SOAT2: variants seen among roughly 807,000 people sequenced by gnomAD.
SOAT2 encodes the protein sterol O-acyltransferase 2.
A neutral mutation model predicts 76.0 loss-of-function variants in SOAT2; 87 were observed. The ratio of observed to expected loss-of-function variants is 1.14; its 90% CI spans 0.96 to 1.37. The LOEUF (loss-of-function observed/expected upper bound fraction) is 1.37, where lower values mean the gene tolerates loss of function less well. Ranked by LOEUF, SOAT2 falls within the 40% of genes most tolerant of loss-of-function variation. The probability of loss-of-function intolerance (pLI) is 0.00; values close to 1 mark genes in which losing one functional copy is unlikely to be tolerated. For synonymous variants in SOAT2, 285 were observed against 275.4 expected, an observed-to-expected ratio of 1.03 and a Z score of -0.34; for missense variants, 686 against 682.1, an observed-to-expected ratio of 1.01 and a Z score of -0.06.
At chr12:53,115,125 G>A (rs1283890564) in intron 5 of SOAT2, among the ~76,000 whole-genome samples, 1 of 152,218 alleles carries the variant, frequency 6.6e-6, no homozygotes, top group Non-Finnish European at 1.5e-5. Context: ...CCTAACATGT[G>A]TTGTATATAG....
intron 10 of SOAT2, among the ~76,000 whole-genome samples, 163 bp from the exon 11 acceptor site, chr12:53,120,618 CAAAAA>C (rs35658019): frequency 2.3e-5 from 2 of 86,790 alleles, no homozygotes; most frequent in Non-Finnish European, 2.4e-5. Context: ...CAGCCTGTCT[CAAAAA>C]AAAAAAAAAA....
Position 53,120,887 on chromosome 12 carries a change from G to A in SOAT2, c.1137+4G>A. The A allele has an allele frequency of 6.2e-7, 1 of 1,612,688 alleles. No homozygotes were observed. Among genetic ancestry groups the A allele is most frequent in the Non-Finnish European group, 8.5e-7 (1 of 1,178,696 alleles). On this transcript the variant is annotated splice_donor_region_variant and intron_variant, in intron 11 of 14. Transcript: ENST00000301466. ...TGGAGACAGGATGTTCTACCGGGTG[G>A]GGCCTGGACCTAGGCCAGTTGGAAG...
In SOAT2 at chr12:53,104,195, C is replaced by G. The variant is rs370902854; in HGVS notation, c.127C>G (p.Arg43Gly). The part of the protein sequence containing the change: ...HRAPDLVQWT[R>G]HMEAVKAQLL... The stretch of plus-strand genomic sequence containing the variant: ...AGCCCCGGACTTGGTACAATGGACC[C>G]GACACATGGAGGTGAGGGATGTCAG... The change falls in exon 2 of 15, where the codon CGA (arginine) becomes GGA (glycine). Residue 43 changes from arginine to glycine, a missense_variant. By Grantham distance (125) the Arg-to-Gly change is moderately radical. Coordinates refer to ENST00000301466, the MANE Select transcript of SOAT2 (RefSeq NM_003578.4). 1.2e-6 allele frequency: 2 copies of G among 1,612,942 alleles called. No homozygotes were observed. Among genetic ancestry groups the G allele is most frequent in the Non-Finnish European group, 1.7e-6 (2 of 1,179,340 alleles).
chr12:53,109,542 C>T (rs1937983203), intron 5 of SOAT2, among the ~76,000 whole-genome samples: 1 of 152,080 alleles, frequency 6.6e-6, no homozygotes, highest in African/African-American at 2.4e-5. Context: ...AGTACAGTGG[C>T]ATGATCTCGG....
intron 5 of SOAT2, among the ~76,000 whole-genome samples, chr12:53,113,991 G>A (rs1481014220): frequency 1.3e-5 from 2 of 151,988 alleles, no homozygotes; most frequent in African/African-American, 4.8e-5. Flanking sequence ...GTTTAATCAT[G>A]CTTTGAGGTT....
At chr12:53,113,517 T>C (rs1015428631) in intron 5 of SOAT2, among the ~76,000 whole-genome samples, 23 of 152,158 alleles carry the variant, frequency 1.5e-4, no homozygotes, top group Non-Finnish European at 3.1e-4. Context: ...CATCCCGGTC[T>C]CTCCTGGCTG....
In SOAT2 at chr12:53,123,763, G is replaced by C. The variant is rs377423236; in HGVS notation, c.1408G>C (p.Gly470Arg). 1.2e-6 allele frequency: 2 copies of C among 1,614,136 alleles called. No individual in the cohort carries two copies. The highest frequency in any genetic ancestry group is 4.5e-5 in the East Asian group (2 of 44,878). The change falls in exon 14 of 15, where the codon GGC becomes CGC. Residue 470 changes from glycine (G) to arginine (R), a missense_variant. By Grantham distance (125) the Gly-to-Arg change is moderately radical. Transcript: ENST00000301466. ...CTTCATGATGCATGACCAGCGCACCGGCCCGGCATGGAACGTGCTGATGTG... is the reference window on the plus strand; with the variant it reads ...CTTCATGATGCATGACCAGCGCACCCGCCCGGCATGGAACGTGCTGATGTG... ...LNFMMHDQRT[G>R]PAWNVLMWTM...
intron 2 of SOAT2, 109 bp downstream of exon 2, chr12:53,104,315 A>C: frequency 1.3e-6 from 1 of 780,836 alleles, no homozygotes; most frequent in Admixed American, 2.4e-5. Flanking sequence ...TTTTTGAAAC[A>C]AAGTCTCGCT....
chr12:53,121,418 C>T lies in SOAT2; in HGVS notation c.1236+17C>T, dbSNP rs754927287. ...GGGCTGCGGGTATGGGCCCTGCAGA[C>T]CCCTTCAGCTCTCACAGTTAATAGG... On this transcript the variant is annotated intron_variant, in intron 12 of 14. Transcript: ENST00000301466. 1.9e-6 allele frequency: 3 copies of T among 1,594,124 alleles called. No homozygotes were observed. Among genetic ancestry groups the T allele is most frequent in the East Asian group, 2.2e-5 (1 of 44,812 alleles).
chr12:53,121,351 G>A lies in SOAT2; in HGVS notation c.1186G>A (p.Val396Met), dbSNP rs754535786. The A allele has an allele frequency of 8.1e-6, 13 of 1,614,058 alleles. No homozygotes were observed. The highest frequency in any genetic ancestry group is 2.2e-5 in the South Asian group (2 of 91,092). Residue 396 changes from valine (V) to methionine (M), a missense_variant, in exon 12 of 15, where the codon GTG (valine) becomes ATG (methionine). Val to Met is a conservative substitution (Grantham distance 21). Transcript: ENST00000301466. Reference protein sequence around the residue: ...SFSNYYRTWNVVVHDWLYSYV... With the variant: ...SFSNYYRTWNMVVHDWLYSYV... Reference sequence around the variant, plus strand: ...CTCCAACTACTACCGCACTTGGAACGTGGTGGTCCATGACTGGCTGTACAG... The same window carrying A: ...CTCCAACTACTACCGCACTTGGAACATGGTGGTCCATGACTGGCTGTACAG...
chr12:53,124,349 C>T lies in SOAT2; in HGVS notation c.*226C>T. 1.7e-6 allele frequency: 1 copy of T among 596,632 alleles called. No individual in the cohort carries two copies. The highest frequency in any genetic ancestry group is 2.8e-5 in the East Asian group (1 of 35,854). 37.0% of individuals were successfully genotyped at this position (596,632 alleles called of 1,614,324 possible). A position where few individuals can be genotyped will look rare whatever the true frequency, so the allele number is the denominator to read the frequency against. ...CCAGGGTGACTCTTCAATCCCTATC[C>T]CCATGGGCTGGGTACAGGATATCCT... is the stretch of plus-strand genomic sequence containing the variant. On this transcript the variant is annotated 3_prime_UTR_variant, in exon 15 of 15. Transcript: ENST00000301466.
chr12:53,109,744 T>C (rs1296912817), intron 5 of SOAT2, among the ~76,000 whole-genome samples: 2 of 152,156 alleles, frequency 1.3e-5, no homozygotes, highest in African/African-American at 2.4e-5. Context: ...CACCTTGACA[T>C]TCCCAAAGTG....
At chr12:53,116,867 C>CAAAAA (rs919693639) in intron 7 of SOAT2, among the ~76,000 whole-genome samples, 1 of 137,184 alleles carries the variant, frequency 7.3e-6, no homozygotes, top group South Asian at 2.3e-4. Context: ...GATCCCATCT[C>CAAAAA]AAAAAAAAAA....
Position 53,116,444 on chromosome 12 carries a change from A to G in SOAT2, c.778+278A>G, listed in dbSNP as rs6580930. Reference sequence around the variant, plus strand: ...TCACCCAGGCTTTGTTATTCCATTTATAGAGCACAGGCAGAGTATATTTAG... The same window carrying G: ...TCACCCAGGCTTTGTTATTCCATTTGTAGAGCACAGGCAGAGTATATTTAG... On this transcript the variant is annotated intron_variant, in intron 7 of 14. Transcript: ENST00000301466. Among the ~76,000 whole-genome samples the G allele has an allele frequency of 5.8e-3, 878 of 152,342 alleles. 8 individuals carry two copies. The highest frequency in any genetic ancestry group is 0.02 in the African/African-American group (851 of 41,564).
chr12:53,117,276 T>TTC (rs1191797675), intron 7 of SOAT2, among the ~76,000 whole-genome samples: 18 of 148,782 alleles, frequency 1.2e-4, no homozygotes, highest in African/African-American at 4.5e-4. Flanking sequence ...TTTTTTTTTT[T>TTC]TTTTTTTTTT....
Position 53,118,364 on chromosome 12 carries a change from GC to G in SOAT2, c.798del (p.Ser267ValfsTer60), listed in dbSNP as rs769713175. 3.2e-5 allele frequency: 51 copies of G among 1,612,698 alleles called. No homozygotes were observed. The highest frequency in any genetic ancestry group is 4.0e-5 in the Non-Finnish European group (47 of 1,179,356). On this transcript the variant is annotated frameshift_variant, in exon 8 of 15. Transcript: ENST00000301466. LOFTEE classifies it high-confidence loss of function. Reference protein sequence around the residue: ...LRARRGEGIQAPSFSSYLYFL... With the variant: ...LRARRGEGIQXPSFSSYLYFL... ...TTCCTCCCCAGGTGAGGGGATCCAG[GC>G]CCCCAGTTTCTCCAGCTACCTCTAC...
In SOAT2 at chr12:53,115,494, A is replaced by G; in HGVS notation, c.548A>G (p.Gln183Arg). Residue 183 changes from glutamine (Q) to arginine (R), a missense_variant, in exon 6 of 15, where the codon CAG becomes CGG. Coordinates refer to ENST00000301466, the MANE Select transcript of SOAT2 (RefSeq NM_003578.4). ...CTGTCCACCCTGTTGGCGCCGTACC[A>G]GGCCCTACGGCTGTGGGCCAGGGGC... ...MFLSTLLAPY[Q>R]ALRLWARGTW... The G allele has an allele frequency of 6.2e-7, 1 of 1,610,456 alleles. No homozygotes were observed. The highest frequency in any genetic ancestry group is 8.5e-7 in the Non-Finnish European group (1 of 1,179,730).
Position 53,115,377 on chromosome 12 carries a change from TC to T in SOAT2, c.444-9del. ...TTCACTTGTCTACTTTGTCTCTCCT[TC>T]CCCACTCCAAGGCTGCTGCTGGAGT... On this transcript the variant is annotated splice_polypyrimidine_tract_variant and intron_variant, in intron 5 of 14. Transcript: ENST00000301466. 1 of 1,584,196 alleles carries T rather than the reference TC, an allele frequency of 6.3e-7. No individual in the cohort carries two copies.
chr12:53,115,210 A>C (rs1938081994), intron 5 of SOAT2, among the ~76,000 whole-genome samples, 180 bp from the exon 6 acceptor site: 1 of 152,212 alleles, frequency 6.6e-6, no homozygotes, highest in Non-Finnish European at 1.5e-5. Context: ...TCATGCCATG[A>C]CTGAGTCTCC....
Sources: gnomAD v4.1 joint callset for allele counts (sites outside exome capture counted in the v4.1 genomes callset) on GRCh38, gnomAD v4.1.1 for gene constraint, MANE v1.5 for transcripts, NCBI Gene and HGNC (gene_info 2026-07-23, HGNC 2026-07-21) for gene names.